The following NR1I2 variants were observed in gnomAD, a reference collection of about 807,000 sequenced individuals.
The protein encoded by NR1I2 is nuclear receptor subfamily 1 group I member 2.
A neutral mutation model predicts 43.3 loss-of-function variants in NR1I2; 42 were observed. The observed-to-expected ratio is 0.97, with a 90% CI of 0.76 to 1.26. NR1I2 has a LOEUF of 1.26. Among genes scored for constraint, NR1I2 ranks in the 50% most tolerant of loss-of-function variants. The pLI, the probability that NR1I2 is intolerant of heterozygous loss-of-function variation, is 0.00. For synonymous variants in NR1I2, 229 were observed against 215.0 expected (o/e 1.06, Z -0.57); for missense variants, 559 against 566.7 (o/e 0.99, Z 0.14).
chr3:119,813,564 T>C (rs183354591), intron 5 of NR1I2, among the ~76,000 whole-genome samples: 1 of 152,134 alleles, frequency 6.6e-6, no homozygotes, highest in African/African-American at 2.4e-5. Flanking sequence ...TATCTGTCCT[T>C]GGGTAGGCCA....
chr3:119,807,050 A>G (rs2055170105), intron 1 of NR1I2, among the ~76,000 whole-genome samples, 179 bp from the exon 2 acceptor site: 1 of 152,136 alleles, frequency 6.6e-6, no homozygotes, highest in Non-Finnish European at 1.5e-5. Context: ...TGTCATGATT[A>G]CAGCTCTCTT....
At chr3:119,794,667 A>G (rs1034215846) in intron 1 of NR1I2, among the ~76,000 whole-genome samples, 3 of 152,108 alleles carry the variant, frequency 2.0e-5, no homozygotes, top group Non-Finnish European at 4.4e-5. Context: ...GCCAAGCGCC[A>G]TGGTTCATGC....
At chr3:119,792,384 G>A in intron 1 of NR1I2, 1 of 1,348,234 alleles carries the variant, frequency 7.4e-7, no homozygotes, top group Non-Finnish European at 1.1e-6. Context: ...CAAACAGGTG[G>A]CTCAGCAGGA....
chr3:119,801,384 C>T (rs2055078280), intron 1 of NR1I2, among the ~76,000 whole-genome samples: 1 of 152,196 alleles, frequency 6.6e-6, no homozygotes, highest in Non-Finnish European at 1.5e-5. Context: ...CAGAAGCAAA[C>T]ACAGTTGTAT....
chr3:119,809,044 G>A (rs565204467), intron 2 of NR1I2, among the ~76,000 whole-genome samples: 124 of 152,292 alleles, frequency 8.1e-4, no homozygotes, highest in African/African-American at 3.0e-3. Flanking sequence ...AACCTGCCAG[G>A]TCACTGCGGG....
chr3:119,804,735 C>G lies in NR1I2; in HGVS notation c.-22-2494C>G, dbSNP rs115857257. Among the ~76,000 whole-genome samples the G allele has an allele frequency of 3.9e-5, 6 of 152,108 alleles. No individual in the cohort carries two copies. The South Asian group carries it at 1.2e-3, about 32-fold the overall frequency. On this transcript the variant is annotated intron_variant, in intron 1 of 8. Coordinates refer to ENST00000393716, the MANE Select transcript of NR1I2 (RefSeq NM_003889.4). ...TGCTGGGATTACAGGTATGAGCCACCGCACCCAGCCCCATATTTGGTATTT... is the reference window on the plus strand; with the variant it reads ...TGCTGGGATTACAGGTATGAGCCACGGCACCCAGCCCCATATTTGGTATTT...
chr3:119,815,242 A>G (rs1295745280), intron 6 of NR1I2, 81 bp from the exon 7 acceptor site: 28 of 1,571,700 alleles, frequency 1.8e-5, no homozygotes, highest in Non-Finnish European at 2.2e-5. Flanking sequence ...GGAATGGTGG[A>G]AAACAAGATA....
rs1224749184 is a variant in NR1I2, at chr3:119,807,308, A to G, written c.58A>G (p.Thr20Ala). 1 of 1,614,224 alleles carries G rather than the reference A, an allele frequency of 6.2e-7. No homozygotes were observed. The highest frequency in any genetic ancestry group is 1.1e-5 in the South Asian group (1 of 91,082). The stretch of plus-strand genomic sequence containing the variant: ...TGCTGACTTTGTACACTGTGAGGAC[A>G]CAGAGTCTGTTCCTGGAAAGCCCAG... Residue 20 changes from threonine to alanine, a missense_variant, in exon 2 of 9, where the codon ACA becomes GCA. By Grantham distance (58) the Thr-to-Ala change is moderately conservative (BLOSUM62 0). Coordinates refer to ENST00000393716, the MANE Select transcript of NR1I2 (RefSeq NM_003889.4).
intron 1 of NR1I2, among the ~76,000 whole-genome samples, chr3:119,806,919 C>A (rs1198950144): frequency 6.6e-6 from 1 of 152,196 alleles, no homozygotes; most frequent in African/African-American, 2.4e-5. Flanking sequence ...GCTGTGGCCT[C>A]CATGATCCGA....
intron 1 of NR1I2, among the ~76,000 whole-genome samples, chr3:119,788,785 A>G (rs9856637): frequency 0.015 from 2,311 of 152,272 alleles, 55 homozygotes; most frequent in African/African-American, 0.053. Flanking sequence ...CATTTCACAT[A>G]TCTCTTTGAT....
intron 1 of NR1I2, among the ~76,000 whole-genome samples, chr3:119,802,014 T>C (rs1481168655): frequency 6.6e-6 from 1 of 152,188 alleles, no homozygotes; most frequent in Non-Finnish European, 1.5e-5. Context: ...AGGCTTCTTA[T>C]AGCGTAGACC....
In NR1I2 at chr3:119,817,068, G is replaced by A. The variant is rs1212941150; in HGVS notation, c.1161G>A (p.Arg387=). The change falls in exon 9 of 9, where the codon AGG becomes AGA. Residue 387 remains arginine (R), a splice_region_variant and synonymous_variant. Coordinates refer to ENST00000393716, the MANE Select transcript of NR1I2 (RefSeq NM_003889.4). Reference sequence around the variant, plus strand: ...AATCTTTTCTCTGGCTGGCATGCAGGTTCTTGTTCCTGAAGATCATGGCTA... The same window carrying A: ...AATCTTTTCTCTGGCTGGCATGCAGATTCTTGTTCCTGAAGATCATGGCTA... The A allele has an allele frequency of 5.6e-6, 9 of 1,614,076 alleles. No individual in the cohort carries two copies. The highest frequency in any genetic ancestry group is 7.6e-6 in the Non-Finnish European group (9 of 1,180,034).
chr3:119,808,484 A>G (rs1488136911), intron 2 of NR1I2, among the ~76,000 whole-genome samples: 1 of 152,202 alleles, frequency 6.6e-6, no homozygotes, highest in Non-Finnish European at 1.5e-5. Context: ...ACGCCACTTG[A>G]CTGTGTGGAA....
chr3:119,815,961 C>T (rs1323314577), intron 8 of NR1I2, 130 bp downstream of exon 8: 3 of 766,806 alleles, frequency 3.9e-6, no homozygotes, highest in Non-Finnish European at 4.5e-6. Context: ...GTCCAAAGCT[C>T]ACACTTTTGA....
In NR1I2 at chr3:119,818,454, G is replaced by A. The variant is rs2107982348; in HGVS notation, c.*1242G>A. 3.0e-6 allele frequency: 3 copies of A among 985,182 alleles called. No individual in the cohort carries two copies. Among genetic ancestry groups the A allele is most frequent in the African/African-American group, 3.5e-5 (2 of 57,298 alleles). The allele number at this position is 985,182 out of a possible 1,614,324, so 61.0% of individuals were successfully genotyped here. On this transcript the variant is annotated 3_prime_UTR_variant, in exon 9 of 9. Coordinates refer to ENST00000393716, the MANE Select transcript of NR1I2 (RefSeq NM_003889.4). ...GCCCTGGGTTTAATGTCAAATCAAG[G>A]CAAAAGGAATTAAATAATGTACTTT... is the stretch of plus-strand genomic sequence containing the variant.
rs2055342077 is a variant in NR1I2 at position 119,817,170 on chromosome 3, T to C, written c.1263T>C (p.Ala421=). The C allele has an allele frequency of 1.2e-6, 2 of 1,614,192 alleles. No individual in the cohort carries two copies. Among genetic ancestry groups the C allele is most frequent in the Non-Finnish European group, 8.5e-7 (1 of 1,180,026 alleles). Reference sequence around the variant, plus strand: ...GCATCCAGGACATACACCCCTTTGCTACGCCCCTCATGCAGGAGTTGTTCG... The same window carrying C: ...GCATCCAGGACATACACCCCTTTGCCACGCCCCTCATGCAGGAGTTGTTCG... Residue 421 remains alanine (A), a synonymous_variant, in exon 9 of 9, where the codon GCT becomes GCC. Transcript: ENST00000393716.
At chr3:119,794,708 C>T (rs972787351) in intron 1 of NR1I2, among the ~76,000 whole-genome samples, 9 of 152,144 alleles carry the variant, frequency 5.9e-5, no homozygotes, top group African/African-American at 2.2e-4. Context: ...TTGGCCAAGG[C>T]AGATGGATCA....
chr3:119,807,560 C>A, intron 2 of NR1I2, 113 bp downstream of exon 2: 1 of 866,314 alleles, frequency 1.2e-6, no homozygotes, highest in East Asian at 2.5e-5. Context: ...GGTGGCCCAC[C>A]CAAAGGCCTT....
At chr3:119,805,443 C>G (rs985869216) in intron 1 of NR1I2, among the ~76,000 whole-genome samples, 4 of 152,086 alleles carry the variant, frequency 2.6e-5, no homozygotes, top group African/African-American at 9.7e-5. Context: ...GTAATCCCAG[C>G]ACTTTGGGAG....
Sources: gnomAD v4.1 joint callset for allele counts (sites outside exome capture counted in the v4.1 genomes callset) on GRCh38, gnomAD v4.1.1 for gene constraint, MANE v1.5 for transcripts, NCBI Gene and HGNC (gene_info 2026-07-23, HGNC 2026-07-21) for gene names.